Variants in LNPEP observed in about 807,000 individuals in gnomAD.
LNPEP encodes leucyl and cystinyl aminopeptidase.
LNPEP carries 64 observed loss-of-function variants against 120.6 expected under a neutral mutation model. The ratio of observed to expected loss-of-function variants is 0.53; its 90% confidence interval spans 0.43 to 0.65. The LOEUF (loss-of-function observed/expected upper bound fraction) is 0.65. Among genes scored for constraint, LNPEP ranks in the 30% least tolerant of loss-of-function variants. The pLI is 0.00. For synonymous variants in LNPEP, 435 were observed against 425.4 expected (o/e 1.02, Z -0.28); for missense variants, 1,057 against 1,200.0 (o/e 0.88, Z 1.76).
intron 11 of LNPEP, chr5:97,011,023 G>T: frequency 2.0e-6 from 2 of 985,368 alleles, no homozygotes; most frequent in Non-Finnish European, 1.2e-6. Flanking sequence ...ATTCCCAGCT[G>T]TGTCCCTCCT....
rs189863278 is a variant in LNPEP, at chr5:97,027,592, G to C, written c.2865-141G>C. On this transcript the variant is annotated intron_variant, in intron 16 of 17. Transcript: ENST00000231368. ...CCCACCGACAATAAGTATGCATAGG[G>C]CTACCCCGGTTTCCTCAGTTGCAGT... 10 of 611,948 alleles carry C rather than the reference G, an allele frequency of 1.6e-5. No individual in the cohort carries two copies. In the African/African-American group the frequency reaches 1.8e-4, roughly 11 times the overall value. The allele number at this position is 611,948 out of a possible 1,614,324, so 37.9% of individuals were successfully genotyped here.
intron 1 of LNPEP, among the ~76,000 whole-genome samples, chr5:96,951,130 C>T (rs1451880817): frequency 6.6e-6 from 1 of 152,152 alleles, no homozygotes; most frequent in East Asian, 1.9e-4. Flanking sequence ...TTTGCTGTTT[C>T]TTTCTATCAA....
intron 1 of LNPEP, among the ~76,000 whole-genome samples, chr5:96,964,612 T>C (rs1432006299): frequency 6.6e-6 from 1 of 152,126 alleles, no homozygotes; most frequent in Non-Finnish European, 1.5e-5. Flanking sequence ...CTATGTAAAC[T>C]ATACTGCTGT....
At chr5:96,969,145 GT>G (rs1789800165) in intron 1 of LNPEP, among the ~76,000 whole-genome samples, 1 of 151,962 alleles carries the variant, frequency 6.6e-6, no homozygotes, top group African/African-American at 2.4e-5. Context: ...GAAAAACTCA[GT>G]TAAAATTTAA....
Position 97,028,614 on chromosome 5 carries a change from T to TAAAG in LNPEP, c.*82_*85dup, listed in dbSNP as rs1791403930. ...TCTGCCGCTTTTGCAAAAGCCAAGG[T>TAAAG]AAAGCCAGGATCGCTGCCAAGTTGT... On this transcript the variant is annotated 3_prime_UTR_variant, in exon 18 of 18. Transcript: ENST00000231368. 6.7e-6 allele frequency: 10 copies of TAAAG among 1,487,150 alleles called. No homozygotes were observed. The East Asian group carries it at 2.3e-4, about 34-fold the overall frequency. The allele number at this position is 1,487,150 out of a possible 1,614,324, so 92.1% of individuals were successfully genotyped here.
intron 11 of LNPEP, 70 bp downstream of exon 11, chr5:97,006,585 A>T: frequency 1.2e-6 from 1 of 830,172 alleles, no homozygotes; most frequent in South Asian, 1.4e-5. Flanking sequence ...TGCATATATA[A>T]GATTACACTT....
At chr5:97,019,834 G>A (rs1226871608) in intron 13 of LNPEP, among the ~76,000 whole-genome samples, 1 of 151,900 alleles carries the variant, frequency 6.6e-6, no homozygotes, top group Non-Finnish European at 1.5e-5. Flanking sequence ...TTGTTCTCCA[G>A]TCATTTGGAA....
Position 97,035,016 on chromosome 5 carries a change from A to G in LNPEP, c.*6483A>G, listed in dbSNP as rs747040408. 3.9e-5 allele frequency: 6 copies of G among 152,158 alleles called. No homozygotes were observed. The highest frequency in any genetic ancestry group is 5.9e-5 in the Non-Finnish European group (4 of 67,994). 9.4% of individuals were successfully genotyped at this position (152,158 alleles called of 1,614,324 possible). On this transcript the variant is annotated 3_prime_UTR_variant, in exon 18 of 18. Coordinates refer to ENST00000231368, the MANE Select transcript of LNPEP (RefSeq NM_005575.3). ...AAATATTTGCTACATTCTGTGTGTT[A>G]TATAATGTGGTACCCAGTCCTCTGC...
chr5:96,959,661 A>G (rs1166992619), intron 1 of LNPEP, among the ~76,000 whole-genome samples: 1 of 152,184 alleles, frequency 6.6e-6, no homozygotes, highest in East Asian at 1.9e-4. Context: ...TTTAGTAGAT[A>G]TGATTGATTT....
At chr5:97,012,331 TTTAGA>T (rs1348445984) in intron 11 of LNPEP, among the ~76,000 whole-genome samples, 7 of 152,260 alleles carry the variant, frequency 4.6e-5, no homozygotes, top group Middle Eastern at 3.4e-3. Context: ...ATCGTCTGAG[TTTAGA>T]TTATTCTTAT....
intron 1 of LNPEP, among the ~76,000 whole-genome samples, chr5:96,963,981 C>T (rs1789666023): frequency 6.6e-6 from 1 of 151,990 alleles, no homozygotes; most frequent in Non-Finnish European, 1.5e-5. Context: ...AATAGAACAC[C>T]AGAATCTCTT....
At chr5:97,000,488 T>G (rs1268515312) in intron 8 of LNPEP, among the ~76,000 whole-genome samples, 1 of 152,184 alleles carries the variant, frequency 6.6e-6, no homozygotes, top group Non-Finnish European at 1.5e-5. Flanking sequence ...CAATGTAGTT[T>G]ATGCTGAAAA....
chr5:97,006,758 C>T (rs918529330), intron 11 of LNPEP, among the ~76,000 whole-genome samples: 7 of 152,078 alleles, frequency 4.6e-5, no homozygotes, highest in Non-Finnish European at 1.0e-4. Context: ...AAGAAAATAG[C>T]GAATGCCATG....
chr5:96,988,194 C>G (rs554638364), intron 4 of LNPEP, among the ~76,000 whole-genome samples: 1 of 151,690 alleles, frequency 6.6e-6, no homozygotes, highest in Non-Finnish European at 1.5e-5. Context: ...GCTGTGTTTG[C>G]TTCACACTAC....
At chr5:96,977,700 A>G (rs1790033253) in intron 1 of LNPEP, among the ~76,000 whole-genome samples, 1 of 152,164 alleles carries the variant, frequency 6.6e-6, no homozygotes, top group Non-Finnish European at 1.5e-5. Context: ...AAGAGTTTCC[A>G]CCATTACAGT....
At chr5:96,937,432 G>A (rs1213644981) in intron 1 of LNPEP, 2 of 152,102 alleles carry the variant, frequency 1.3e-5, no homozygotes, top group African/African-American at 4.8e-5. Context: ...TTCTCATTCA[G>A]GTTCTATTTG....
Position 97,008,337 on chromosome 5 carries a change from G to GT in LNPEP, c.2035+1853dup, listed in dbSNP as rs781727347. 2.7e-3 allele frequency among the ~76,000 whole-genome samples: 161 copies of GT among 59,826 alleles called. 15 individuals are homozygous for GT. Among genetic ancestry groups the GT allele is most frequent in the Non-Finnish European group, 3.2e-3 (111 of 34,884 alleles). The allele number at this position is 59,826 out of a possible 152,430, so 39.2% of individuals were successfully genotyped here. On this transcript the variant is annotated intron_variant, in intron 11 of 17. Transcript: ENST00000231368. The stretch of plus-strand genomic sequence containing the variant: ...TTGATTTTTTTGTTTGTTTTTTCTT[G>GT]TTTTTTTTTTTTTTTTTTTTTTTTT...
chr5:97,018,788 A>T (rs1382050131), intron 13 of LNPEP, among the ~76,000 whole-genome samples: 6 of 152,142 alleles, frequency 3.9e-5, no homozygotes, highest in African/African-American at 1.4e-4. Context: ...CATTATGTAC[A>T]TTTATTGGTC....
At chr5:97,011,801 G>A (rs1402349115) in intron 11 of LNPEP, among the ~76,000 whole-genome samples, 2 of 152,104 alleles carry the variant, frequency 1.3e-5, no homozygotes, top group African/African-American at 4.8e-5. Context: ...AATTTTTTTA[G>A]TAAGAAAGAC....
Sources: allele counts gnomAD v4.1 joint callset (sites outside exome capture counted in the v4.1 genomes callset), GRCh38; gene constraint gnomAD v4.1.1; transcripts MANE v1.5; gene names NCBI Gene and HGNC (gene_info 2026-07-23, HGNC 2026-07-21).